The following LRMDA variants were observed in gnomAD, a reference collection of about 807,000 sequenced individuals.
The protein encoded by LRMDA is leucine-rich melanocyte differentiation-associated protein.
In LRMDA, 18 loss-of-function variants were observed where a neutral mutation model predicts 29.8. The ratio of observed to expected loss-of-function variants is 0.60; its 90% confidence interval spans 0.42 to 0.90. LRMDA has a LOEUF of 0.90. Ranked by LOEUF, LRMDA falls within the 40% of genes least tolerant of loss-of-function variation. The pLI, the probability that LRMDA is intolerant of heterozygous loss-of-function variation, is 0.00. For synonymous variants in LRMDA, 125 were observed against 109.4 expected (o/e 1.14, Z -0.89); for missense variants, 273 against 273.9 (o/e 1.00, Z 0.02).
intron 5 of LRMDA, chr10:76,242,148 T>C (rs1852288761): frequency 1.3e-5 from 2 of 152,186 alleles, no homozygotes; most frequent in Non-Finnish European, 2.9e-5. Flanking sequence ...TCACTCCTCC[T>C]TAGTCAACCT....
At chr10:75,672,169 G>A (rs1841898661) in intron 2 of LRMDA, among the ~76,000 whole-genome samples, 1 of 152,090 alleles carries the variant, frequency 6.6e-6, no homozygotes, top group East Asian at 1.9e-4. Context: ...TTCTAACTTT[G>A]TTAGTGTAAT....
chr10:75,762,245 TC>T (rs950756514), intron 2 of LRMDA, among the ~76,000 whole-genome samples: 2 of 152,214 alleles, frequency 1.3e-5, no homozygotes, highest in African/African-American at 4.8e-5. Flanking sequence ...GTTTTGTTTT[TC>T]CTGTAAATCA....
intron 2 of LRMDA, among the ~76,000 whole-genome samples, chr10:75,860,233 T>A (rs1177836415): frequency 6.6e-6 from 1 of 151,264 alleles, no homozygotes; most frequent in Non-Finnish European, 1.5e-5. Context: ...TGGCTTCAAC[T>A]GAACAGTAAT....
chr10:76,097,467 T>C (rs1410925997), intron 5 of LRMDA, among the ~76,000 whole-genome samples: 1 of 152,242 alleles, frequency 6.6e-6, no homozygotes, highest in Non-Finnish European at 1.5e-5. Context: ...AAAACAGGCA[T>C]AATGCATGCA....
chr10:76,410,936 A>G (rs1324403061), intron 6 of LRMDA, among the ~76,000 whole-genome samples: 1 of 152,060 alleles, frequency 6.6e-6, no homozygotes, highest in Non-Finnish European at 1.5e-5. Context: ...ACAGAGCGAG[A>G]CTCCATCTCC....
chr10:75,668,547 G>A (rs763275150), intron 2 of LRMDA, among the ~76,000 whole-genome samples: 4 of 152,190 alleles, frequency 2.6e-5, no homozygotes, highest in Admixed American at 6.5e-5. Flanking sequence ...ATGAAGACAA[G>A]GCTTTTTTGT....
chr10:76,196,840 G>A (rs940349437), intron 5 of LRMDA, among the ~76,000 whole-genome samples: 1 of 152,216 alleles, frequency 6.6e-6, no homozygotes, highest in Non-Finnish European at 1.5e-5. Flanking sequence ...TTTCAACTTA[G>A]CACAGGGTCC....
chr10:76,180,469 T>C (rs1453844275), intron 5 of LRMDA, among the ~76,000 whole-genome samples: 2 of 151,694 alleles, frequency 1.3e-5, no homozygotes, highest in East Asian at 3.9e-4. Context: ...TTAGTAGAGA[T>C]GGGGTTTCAC....
At chr10:75,608,724 T>C (rs1840991530) in intron 2 of LRMDA, among the ~76,000 whole-genome samples, 1 of 152,190 alleles carries the variant, frequency 6.6e-6, no homozygotes, top group Admixed American at 6.5e-5. Flanking sequence ...CAGTGGTATA[T>C]TGTGAGCCTG....
chr10:76,079,191 T>C (rs1849011633), intron 5 of LRMDA, among the ~76,000 whole-genome samples: 1 of 152,222 alleles, frequency 6.6e-6, no homozygotes, highest in Admixed American at 6.5e-5. Flanking sequence ...AGACTGAATA[T>C]TTTAAATAAT....
intron 5 of LRMDA, among the ~76,000 whole-genome samples, chr10:76,257,086 T>G (rs1212260703): frequency 6.6e-6 from 1 of 152,242 alleles, no homozygotes; most frequent in Non-Finnish European, 1.5e-5. Context: ...TACTATTTTG[T>G]CTTTGGTAAG....
chr10:76,521,532 G>A lies in LRMDA; in HGVS notation c.602-35677G>A, dbSNP rs1843121331. 2.0e-5 allele frequency among the ~76,000 whole-genome samples: 3 copies of A among 152,168 alleles called. No homozygotes were observed. In the South Asian group the frequency reaches 6.2e-4, roughly 32 times the overall value. On this transcript the variant is annotated intron_variant, in intron 6 of 6. Transcript: ENST00000611255. ...TACTACCTGTCCCTTATCATAAAAA[G>A]CTCTGCAGAGAAAATCTTTGTTGTG...
At chr10:75,704,015 A>G (rs775738801) in intron 2 of LRMDA, among the ~76,000 whole-genome samples, 1 of 152,216 alleles carries the variant, frequency 6.6e-6, no homozygotes, top group Non-Finnish European at 1.5e-5. Context: ...ATATTGGGTA[A>G]TAAGTTATTC....
chr10:75,766,953 T>C (rs767310439), intron 2 of LRMDA, among the ~76,000 whole-genome samples: 19 of 152,326 alleles, frequency 1.2e-4, no homozygotes, highest in Middle Eastern at 3.4e-3. Flanking sequence ...TTCATCCATG[T>C]CCCTTAAAAG....
chr10:76,527,979 C>T (rs1205904705), intron 6 of LRMDA, among the ~76,000 whole-genome samples: 2 of 152,022 alleles, frequency 1.3e-5, no homozygotes, highest in Admixed American at 6.6e-5. Flanking sequence ...TATTCACTCT[C>T]GATAATAACC....
intron 5 of LRMDA, among the ~76,000 whole-genome samples, chr10:76,300,241 T>C (rs1840463842): frequency 6.6e-6 from 1 of 152,228 alleles, no homozygotes; most frequent in Non-Finnish European, 1.5e-5. Flanking sequence ...TCATCAAAGG[T>C]GGGATTGCCA....
At chr10:76,242,807 C>T (rs540454269) in intron 5 of LRMDA, among the ~76,000 whole-genome samples, 3 of 152,150 alleles carry the variant, frequency 2.0e-5, no homozygotes, top group South Asian at 2.1e-4. Flanking sequence ...CATACAACAC[C>T]GAGTTGTCCT....
At chr10:76,307,498 A>C (rs754327044) in intron 5 of LRMDA, among the ~76,000 whole-genome samples, 5 of 152,148 alleles carry the variant, frequency 3.3e-5, no homozygotes, top group Non-Finnish European at 7.4e-5. Context: ...ATTCTGGGAT[A>C]GACCTAACTC....
intron 6 of LRMDA, among the ~76,000 whole-genome samples, chr10:76,459,512 A>C (rs1842491008): frequency 6.6e-6 from 1 of 152,186 alleles, no homozygotes; most frequent in African/African-American, 2.4e-5. Flanking sequence ...ACAAAACCTA[A>C]TTAGTGCATC....
Sources: allele counts gnomAD v4.1 joint callset (sites outside exome capture counted in the v4.1 genomes callset), GRCh38; gene constraint gnomAD v4.1.1; transcripts MANE v1.5; gene names NCBI Gene and HGNC (gene_info 2026-07-23, HGNC 2026-07-21).